The following DCAF5 variants were observed in gnomAD, a reference collection of about 807,000 sequenced individuals.
DCAF5 encodes DDB1 and CUL4 associated factor 5.
In DCAF5, 9 loss-of-function variants were observed where a neutral mutation model predicts 80.7. The observed-to-expected ratio is 0.11, with a 90% CI of 0.07 to 0.19. The LOEUF (loss-of-function observed/expected upper bound fraction) is 0.19. DCAF5 is among the 10% of genes least tolerant of loss of function. DCAF5 has a pLI of 1.00. For synonymous variants in DCAF5, 433 were observed against 461.9 expected (o/e 0.94, Z 0.80); for missense variants, 842 against 1,205.7 (o/e 0.70, Z 4.47).
At chr14:69,140,521 CT>C (rs1343782417) in intron 1 of DCAF5, among the ~76,000 whole-genome samples, 1 of 152,134 alleles carries the variant, frequency 6.6e-6, no homozygotes, top group Non-Finnish European at 1.5e-5. Context: ...ATCACATCCA[CT>C]TTTAGTTAAA....
At chr14:69,122,600 A>G (rs566986848) in intron 1 of DCAF5, among the ~76,000 whole-genome samples, 2 of 152,310 alleles carry the variant, frequency 1.3e-5, no homozygotes, top group South Asian at 4.1e-4. Context: ...GAAAGGGATA[A>G]GCACTGATAT....
In DCAF5 at chr14:69,100,329, T is replaced by C. The variant is rs549017029; in HGVS notation, c.666-8442A>G. ...ATGGAAGAAAGCTTTGAGAAAAGTA[T>C]GAGAATAGGGAATTTAGAGAGCCTC... is the stretch of plus-strand genomic sequence containing the variant. On this transcript the variant is annotated intron_variant, in intron 5 of 8. Coordinates refer to ENST00000341516, the MANE Select transcript of DCAF5 (RefSeq NM_003861.3). Among the ~76,000 whole-genome samples, 4 of 152,320 alleles carry C rather than the reference T, an allele frequency of 2.6e-5. No homozygotes were observed. The South Asian group carries it at 8.3e-4, about 32-fold the overall frequency.
chr14:69,098,174 G>A (rs1594991424), intron 5 of DCAF5, among the ~76,000 whole-genome samples: 1 of 151,928 alleles, frequency 6.6e-6, no homozygotes, highest in Non-Finnish European at 1.5e-5. Context: ...CAACCACATG[G>A]TGCCTCTTCA....
At chr14:69,070,361 C>T (rs930849604) in intron 7 of DCAF5, among the ~76,000 whole-genome samples, 2 of 152,204 alleles carry the variant, frequency 1.3e-5, no homozygotes, top group African/African-American at 2.4e-5. Context: ...GGATCTACAT[C>T]GATCTTACTA....
chr14:69,115,316 C>G (rs1458878360), intron 5 of DCAF5, among the ~76,000 whole-genome samples: 1 of 152,154 alleles, frequency 6.6e-6, no homozygotes, highest in Non-Finnish European at 1.5e-5. Flanking sequence ...ATGACAGGGA[C>G]ACACCTCTGG....
chr14:69,149,772 A>T (rs1429123709), intron 1 of DCAF5, among the ~76,000 whole-genome samples: 3 of 152,256 alleles, frequency 2.0e-5, no homozygotes, highest in Non-Finnish European at 2.9e-5. Flanking sequence ...TAATCTCATT[A>T]CCATCCCAGA....
intron 5 of DCAF5, among the ~76,000 whole-genome samples, chr14:69,102,329 G>A (rs1054294999): frequency 3.3e-5 from 5 of 151,584 alleles, no homozygotes; most frequent in African/African-American, 7.3e-5. Flanking sequence ...GGCTGGTCTC[G>A]AACTCCCGAC....
At chr14:69,102,022 A>C (rs1227859045) in intron 5 of DCAF5, among the ~76,000 whole-genome samples, 1 of 152,102 alleles carries the variant, frequency 6.6e-6, no homozygotes, top group Non-Finnish European at 1.5e-5. Flanking sequence ...ACCACCATAG[A>C]CTATATAAAT....
chr14:69,055,100 T>A lies in DCAF5; in HGVS notation c.1586A>T (p.Asn529Ile), dbSNP rs777143763. The A allele has an allele frequency of 2.5e-6, 4 of 1,614,176 alleles. No homozygotes were observed. The East Asian group carries it at 8.9e-5, about 36-fold the overall frequency. The part of the protein sequence containing the change: ...YQDKRLLALS[N>I]ESDSEENVCE... ...GACATTCTCCTCAGAATCGGACTCA[T>A]TGGAAAGGGCCAGGAGGCGTTTGTC... Residue 529 changes from asparagine (N) to isoleucine (I), a missense_variant, in exon 9 of 9, where the codon AAT becomes ATT. Physicochemically the swap from Asn to Ile is moderately radical, Grantham distance 149. Around this residue, in one of 5 missense-constraint regions of DCAF5, gnomAD observed 607 missense variants for 656.6 expected, o/e 0.92. Transcript: ENST00000341516. The surrounding 1 kb of genome is among the most constrained non-coding windows in gnomAD (Gnocchi z 5.6).
At position 69,118,105 on chromosome 14, in the gene DCAF5, C is replaced by T. The variant is rs1566770542; in HGVS notation, c.535+34G>A. Reference sequence around the variant, plus strand: ...ATGAATCTGACATCAAACTGTTCAACACAGTCCAACAGTCATTTGCACAGT... The same window carrying T: ...ATGAATCTGACATCAAACTGTTCAATACAGTCCAACAGTCATTTGCACAGT... On this transcript the variant is annotated intron_variant, in intron 4 of 8. Transcript: ENST00000341516. The surrounding 1 kb of genome is among the most constrained non-coding windows in gnomAD (Gnocchi z 4.0). The T allele has an allele frequency of 3.7e-6, 6 of 1,612,662 alleles. No homozygotes were observed. Among genetic ancestry groups the T allele is most frequent in the Non-Finnish European group, 5.1e-6 (6 of 1,178,988 alleles).
intron 1 of DCAF5, among the ~76,000 whole-genome samples, chr14:69,145,771 A>G (rs1351795623): frequency 6.6e-6 from 1 of 152,224 alleles, no homozygotes. Context: ...TTTAACTTTA[A>G]AAGACTTTCA....
At chr14:69,140,965 C>CT (rs1258011303) in intron 1 of DCAF5, among the ~76,000 whole-genome samples, 6 of 151,804 alleles carry the variant, frequency 4.0e-5, no homozygotes, top group Non-Finnish European at 8.8e-5. Context: ...GAAACCCCGT[C>CT]TTTACTAAAA....
At chr14:69,115,463 T>C (rs2040512538) in intron 5 of DCAF5, among the ~76,000 whole-genome samples, 1 of 152,200 alleles carries the variant, frequency 6.6e-6, no homozygotes, top group Non-Finnish European at 1.5e-5. Context: ...TGAAATAAAT[T>C]ATAACATCAC....
intron 5 of DCAF5, among the ~76,000 whole-genome samples, chr14:69,108,150 T>C (rs979877369): frequency 1.2e-4 from 19 of 152,256 alleles, no homozygotes; most frequent in Non-Finnish European, 2.5e-4. Context: ...ACAGAGATTC[T>C]GAATGGAGAG....
In DCAF5 at chr14:69,152,399, A is replaced by G. The variant is rs191785443; in HGVS notation, c.214+366T>C. 127 of 169,650 alleles carry G rather than the reference A, an allele frequency of 7.5e-4. No homozygotes were observed. Among genetic ancestry groups the G allele is most frequent in the East Asian group, 6.6e-3 (39 of 5,952 alleles). The allele number at this position is 169,650 out of a possible 1,614,324, so 10.5% of individuals were successfully genotyped here. A position where few individuals can be genotyped will look rare whatever the true frequency, so the allele number is the denominator to read the frequency against. On this transcript the variant is annotated intron_variant, in intron 1 of 8. Transcript: ENST00000341516. The surrounding 1 kb of genome is among the most constrained non-coding windows in gnomAD (Gnocchi z 4.1). ...GGCCTCCTCACCCTCCACATCCCCA[A>G]AATGCCCCCAGCACCTTTTAAAGTA...
chr14:69,150,751 G>T (rs1287827239), intron 1 of DCAF5, among the ~76,000 whole-genome samples: 1 of 151,940 alleles, frequency 6.6e-6, no homozygotes, highest in African/African-American at 2.4e-5. Context: ...AATTACCTGG[G>T]CATGATAGCA....
chr14:69,109,888 A>G (rs2040295419), intron 5 of DCAF5, among the ~76,000 whole-genome samples: 1 of 152,244 alleles, frequency 6.6e-6, no homozygotes, highest in Non-Finnish European at 1.5e-5. Context: ...TTTAGTAGAT[A>G]CTGACAAATA....
At chr14:69,086,285 G>A (rs2039317415) in intron 6 of DCAF5, among the ~76,000 whole-genome samples, 3 of 152,136 alleles carry the variant, frequency 2.0e-5, no homozygotes, top group Admixed American at 6.5e-5. Context: ...TTGAACCTGC[G>A]AGGCAGAGGT....
chr14:69,070,199 A>T (rs1359034401), intron 7 of DCAF5, among the ~76,000 whole-genome samples: 2 of 152,172 alleles, frequency 1.3e-5, no homozygotes, highest in African/African-American at 4.8e-5. Context: ...ACCTGTGAAA[A>T]CCCTAAAGCC....
Sources: allele counts gnomAD v4.1 joint callset (sites outside exome capture counted in the v4.1 genomes callset), GRCh38; gene constraint gnomAD v4.1.1; regional missense constraint gnomAD v4.1.1; non-coding constraint Gnocchi (gnomAD v3.1); transcripts MANE v1.5; gene names NCBI Gene and HGNC (gene_info 2026-07-23, HGNC 2026-07-21).